The following PTGER4 variants were observed in gnomAD, a reference collection of about 807,000 sequenced individuals.
The protein encoded by PTGER4 is prostaglandin E2 receptor EP4 subtype.
PTGER4 carries 11 observed loss-of-function variants against 33.2 expected under a neutral mutation model. The observed-to-expected ratio is 0.33, with a 90% CI of 0.21 to 0.55. PTGER4 has a LOEUF of 0.55. Among genes scored for constraint, PTGER4 ranks in the 20% least tolerant of loss-of-function variants. PTGER4 has a pLI of 0.92. For synonymous variants in PTGER4, 275 were observed against 281.5 expected (o/e 0.98, Z 0.23); for missense variants, 481 against 650.2 (o/e 0.74, Z 2.83).
rs1741523302 is a variant in PTGER4, at chr5:40,693,583, T to G, written c.*1205T>G. The G allele has an allele frequency of 1.0e-6, 1 of 985,878 alleles. No homozygotes were observed. The allele number at this position is 985,878 out of a possible 1,614,324, so 61.1% of individuals were successfully genotyped here. On this transcript the variant is annotated 3_prime_UTR_variant, in exon 3 of 3. Coordinates refer to ENST00000302472, the MANE Select transcript of PTGER4 (RefSeq NM_000958.3). ...TGCTGTACACATATTTGAAGGGTCT[T>G]TCTCAAAGAAATATTAAGCATGTTT...
rs150231518 is a variant in PTGER4 at position 40,683,947 on chromosome 5, T to A, written c.867+2087T>A. On this transcript the variant is annotated intron_variant, in intron 2 of 2. Transcript: ENST00000302472. The surrounding 1 kb of genome is among the most constrained non-coding windows in gnomAD (Gnocchi z 4.2). ...TCTTGACCTGAAAATTGAAACTAGC[T>A]CAATTAAGAAGTAATCCCATTAGTC... Among the ~76,000 whole-genome samples, 3 of 152,320 alleles carry A rather than the reference T, an allele frequency of 2.0e-5. 1 individual carries two copies. In the East Asian group the frequency reaches 5.8e-4, roughly 29 times the overall value.
the PTGER4 span, among the ~76,000 whole-genome samples, chr5:40,738,516 A>AAAGTTAGCTGGGCTTGGTGGCAGATGCC: frequency 1.3e-5 from 1 of 79,500 alleles, no homozygotes; most frequent in Non-Finnish European, 2.6e-5. Flanking sequence ...ATAAAATACA[A>AAAGTTAGCTGGGCTTGGTGGCAGATGCC]TAAAATAAAA....
At chr5:40,710,510 A>T in the PTGER4 span, among the ~76,000 whole-genome samples, 1 of 152,188 alleles carries the variant, frequency 6.6e-6, no homozygotes, top group Non-Finnish European at 1.5e-5. Flanking sequence ...ATTGTGGAAG[A>T]CAGTGTGGCA....
At chr5:40,696,998 G>A (rs1298035889), downstream of PTGER4, among the ~76,000 whole-genome samples, 1 of 140,566 alleles carries the variant, frequency 7.1e-6, no homozygotes, top group Non-Finnish European at 1.5e-5. Flanking sequence ...GAAAGAGAAA[G>A]GGAAAGAAAG....
At position 40,691,677 on chromosome 5, in the gene PTGER4, AAATG is replaced by A; in HGVS notation, c.868-99_868-96del. 2.8e-6 allele frequency: 4 copies of A among 1,443,134 alleles called. No homozygotes were observed. Among genetic ancestry groups the A allele is most frequent in the Non-Finnish European group, 3.7e-6 (4 of 1,071,110 alleles). 89.4% of individuals were successfully genotyped at this position (1,443,134 alleles called of 1,614,324 possible). A position where few individuals can be genotyped will look rare whatever the true frequency, so the allele number is the denominator to read the frequency against. ...CTCTTTTCCTGGAACTTGTTACCAG[AAATG>A]AAGGCAGCTTCCTAATATTGATAAG... On this transcript the variant is annotated intron_variant, in intron 2 of 2. Transcript: ENST00000302472. This position sits in a 1 kb window ranked among gnomAD's most constrained non-coding sequence, Gnocchi z 4.2.
chr5:40,733,439 A>C, the PTGER4 span, among the ~76,000 whole-genome samples: 13 of 152,286 alleles, frequency 8.5e-5, no homozygotes, highest in African/African-American at 3.1e-4. Context: ...TCCCAGTAAA[A>C]CTTTATTTAT....
chr5:40,703,795 C>G, the PTGER4 span, among the ~76,000 whole-genome samples: 1 of 151,114 alleles, frequency 6.6e-6, no homozygotes, highest in South Asian at 2.1e-4. Context: ...CTCAGCTACT[C>G]AGGGGGCTGA....
At chr5:40,708,986 T>A in the PTGER4 span, among the ~76,000 whole-genome samples, 1 of 152,192 alleles carries the variant, frequency 6.6e-6, no homozygotes, top group Non-Finnish European at 1.5e-5. Context: ...TCAACAGCAC[T>A]TCATGCTAAA....
chr5:40,710,628 A>G, the PTGER4 span, among the ~76,000 whole-genome samples: 1 of 152,138 alleles, frequency 6.6e-6, no homozygotes, highest in African/African-American at 2.4e-5. Flanking sequence ...ACATGCACAT[A>G]TATGTTTATT....
chr5:40,732,281 T>C, the PTGER4 span, among the ~76,000 whole-genome samples: 3 of 152,096 alleles, frequency 2.0e-5, no homozygotes, highest in Admixed American at 6.6e-5. Context: ...CCTCCACAAG[T>C]GCTGAGATTA....
rs1409961340 is a variant in PTGER4 at position 40,693,580 on chromosome 5, T to C, written c.*1202T>C. Reference sequence around the variant, plus strand: ...TGATGCTGTACACATATTTGAAGGGTCTTTCTCAAAGAAATATTAAGCATG... The same window carrying C: ...TGATGCTGTACACATATTTGAAGGGCCTTTCTCAAAGAAATATTAAGCATG... On this transcript the variant is annotated 3_prime_UTR_variant, in exon 3 of 3. Transcript: ENST00000302472. 1 of 985,980 alleles carries C rather than the reference T, an allele frequency of 1.0e-6. No individual in the cohort carries two copies. Among genetic ancestry groups the C allele is most frequent in the South Asian group, 4.7e-5 (1 of 21,284 alleles). The allele number at this position is 985,980 out of a possible 1,614,324, so 61.1% of individuals were successfully genotyped here.
chr5:40,685,123 CTG>C (rs1201876958), intron 2 of PTGER4, among the ~76,000 whole-genome samples: 1 of 152,140 alleles, frequency 6.6e-6, no homozygotes, highest in African/African-American at 2.4e-5. Flanking sequence ...CAACCCAAGA[CTG>C]TATTTATTGC....
intron 2 of PTGER4, among the ~76,000 whole-genome samples, chr5:40,686,834 G>A (rs150546738): frequency 2.0e-5 from 3 of 152,148 alleles, no homozygotes; most frequent in Admixed American, 2.0e-4. Flanking sequence ...GGAGGTTGAG[G>A]CTGCAATGAG....
chr5:40,693,216 A>T lies in PTGER4; in HGVS notation c.*838A>T. The T allele has an allele frequency of 1.0e-6, 1 of 984,266 alleles. No homozygotes were observed. Among genetic ancestry groups the T allele is most frequent in the Non-Finnish European group, 1.2e-6 (1 of 828,504 alleles). The allele number at this position is 984,266 out of a possible 1,614,324, so 61.0% of individuals were successfully genotyped here. On this transcript the variant is annotated 3_prime_UTR_variant, in exon 3 of 3. Coordinates refer to ENST00000302472, the MANE Select transcript of PTGER4 (RefSeq NM_000958.3). ...AGGAGAACCTAACATGCTGGTGAATATTTTCAACTTTTTCCCTCACTAATT... is the reference window on the plus strand; with the variant it reads ...AGGAGAACCTAACATGCTGGTGAATTTTTTCAACTTTTTCCCTCACTAATT...
intron 2 of PTGER4, among the ~76,000 whole-genome samples, chr5:40,688,145 T>A (rs1031080590): frequency 1.1e-4 from 16 of 152,228 alleles, no homozygotes; most frequent in Non-Finnish European, 2.4e-4. Context: ...CTTTCAGTAG[T>A]AGCCATGTTT....
the PTGER4 span, chr5:40,714,513 AC>A: frequency 6.6e-6 from 1 of 152,242 alleles, no homozygotes; most frequent in East Asian, 1.9e-4. Context: ...TACACAAAAA[AC>A]AAACATCCAT....
At chr5:40,686,117 G>A (rs915948407) in intron 2 of PTGER4, among the ~76,000 whole-genome samples, 6 of 152,116 alleles carry the variant, frequency 3.9e-5, no homozygotes, top group Non-Finnish European at 8.8e-5. Context: ...AGAACTTCTA[G>A]TAACAGCTGT....
the PTGER4 span, among the ~76,000 whole-genome samples, chr5:40,738,559 A>C: frequency 5.1e-5 from 7 of 137,542 alleles, no homozygotes; most frequent in South Asian, 2.3e-4. Context: ...AAATAAAATA[A>C]AATAAAATAT....
At chr5:40,744,300 C>T in the PTGER4 span, among the ~76,000 whole-genome samples, 11 of 152,250 alleles carry the variant, frequency 7.2e-5, no homozygotes, top group South Asian at 2.3e-3. Context: ...ATTTTCCACC[C>T]TTTATTCCCA....
Sources: gnomAD v4.1 joint callset for allele counts (sites outside exome capture counted in the v4.1 genomes callset) on GRCh38, gnomAD v4.1.1 for gene constraint, Gnocchi (gnomAD v3.1) non-coding constraint, MANE v1.5 for transcripts, NCBI Gene and HGNC (gene_info 2026-07-23, HGNC 2026-07-21) for gene names.